GHR: variants seen among roughly 807,000 people sequenced by gnomAD.
GHR encodes the protein growth hormone receptor.
In GHR, 35 loss-of-function variants were observed where a neutral mutation model predicts 67.1. The observed-to-expected ratio is 0.52, with a 90% confidence interval of 0.40 to 0.69. The LOEUF (loss-of-function observed/expected upper bound fraction) is 0.69. GHR is among the 30% of genes least tolerant of loss of function. The pLI is 0.00. For synonymous variants in GHR, 272 were observed against 269.1 expected (o/e 1.01, Z -0.10); for missense variants, 792 against 764.6 (o/e 1.04, Z -0.42).
At chr5:42,514,058 C>T in intron 1 of GHR, 1 of 957,760 alleles carries the variant, frequency 1.0e-6, no homozygotes, top group Non-Finnish European at 1.2e-6. Flanking sequence ...TTGCTTCACC[C>T]AGAATTTATT....
chr5:42,622,485 A>G (rs1293337669), intron 2 of GHR, among the ~76,000 whole-genome samples: 1 of 152,152 alleles, frequency 6.6e-6, no homozygotes, highest in Non-Finnish European at 1.5e-5. Flanking sequence ...TGGAAGGGCA[A>G]GGTAAGCATA....
At chr5:42,526,793 A>G (rs1747724571) in intron 1 of GHR, among the ~76,000 whole-genome samples, 2 of 152,194 alleles carry the variant, frequency 1.3e-5, no homozygotes, top group South Asian at 2.1e-4. Context: ...CAGATTTTCC[A>G]AGGTCAAAAT....
At chr5:42,545,597 T>G (rs1288151388) in intron 1 of GHR, among the ~76,000 whole-genome samples, 1 of 152,230 alleles carries the variant, frequency 6.6e-6, no homozygotes, top group African/African-American at 2.4e-5. Flanking sequence ...TACTTTTGAT[T>G]TAGCTCATCT....
intron 6 of GHR, among the ~76,000 whole-genome samples, chr5:42,710,306 C>T (rs181747910): frequency 1.8e-4 from 28 of 152,002 alleles, no homozygotes; most frequent in African/African-American, 6.0e-4. Flanking sequence ...TTTGTTTATG[C>T]GAAAATCCAT....
chr5:42,715,526 A>G (rs929176746), intron 8 of GHR, among the ~76,000 whole-genome samples: 1 of 152,222 alleles, frequency 6.6e-6, no homozygotes, highest in Non-Finnish European at 1.5e-5. Context: ...AACCACAAAC[A>G]TAGTTTCAAG....
chr5:42,537,389 A>G (rs1748303974), intron 1 of GHR, among the ~76,000 whole-genome samples: 1 of 152,080 alleles, frequency 6.6e-6, no homozygotes, highest in East Asian at 1.9e-4. Flanking sequence ...GAATTTTTTA[A>G]CTTCCATCTT....
intron 2 of GHR, among the ~76,000 whole-genome samples, chr5:42,595,371 C>T (rs918541087): frequency 2.6e-5 from 4 of 152,132 alleles, no homozygotes; most frequent in Admixed American, 6.5e-5. Flanking sequence ...CAGGTATGTT[C>T]TTATATGGTC....
At chr5:42,716,946 A>G (rs1287810017) in intron 8 of GHR, among the ~76,000 whole-genome samples, 1 of 152,220 alleles carries the variant, frequency 6.6e-6, no homozygotes, top group East Asian at 1.9e-4. Context: ...GAGTTTTTTA[A>G]AAAATTAAAT....
chr5:42,448,727 G>GT (rs1209744615), intron 1 of GHR, among the ~76,000 whole-genome samples: 1 of 151,804 alleles, frequency 6.6e-6, no homozygotes, highest in Non-Finnish European at 1.5e-5. Context: ...GTTGAGAAGA[G>GT]TTTTTTTGAT....
At chr5:42,453,108 T>C (rs1403422658) in intron 1 of GHR, among the ~76,000 whole-genome samples, 3 of 152,136 alleles carry the variant, frequency 2.0e-5, no homozygotes, top group Non-Finnish European at 1.5e-5. Context: ...AATGTTTATT[T>C]TAGCCTAATT....
intron 1 of GHR, among the ~76,000 whole-genome samples, chr5:42,474,786 G>C (rs554219188): frequency 6.6e-6 from 1 of 151,092 alleles, no homozygotes; most frequent in Non-Finnish European, 1.5e-5. Flanking sequence ...GTATTTTTAG[G>C]AACATATATT....
chr5:42,571,676 C>T (rs1750325534), intron 2 of GHR, among the ~76,000 whole-genome samples: 1 of 152,136 alleles, frequency 6.6e-6, no homozygotes, highest in African/African-American at 2.4e-5. Context: ...ATACTCAGAA[C>T]CCTGAATGTT....
chr5:42,547,476 G>T (rs1041749588), intron 1 of GHR, among the ~76,000 whole-genome samples: 7 of 149,138 alleles, frequency 4.7e-5, no homozygotes, highest in African/African-American at 7.4e-5. Context: ...TAGAAAGCTG[G>T]TTTTTTTTTT....
At chr5:42,650,578 C>CATATATATATATATATATATATATAT (rs35408817) in intron 3 of GHR, among the ~76,000 whole-genome samples, 108 of 128,634 alleles carry the variant, frequency 8.4e-4, no homozygotes, top group African/African-American at 2.0e-3. Context: ...TTACAGATAA[C>CATATATATATATATATATATATATAT]ATATATATAT....
At chr5:42,488,255 A>G (rs190441531) in intron 1 of GHR, among the ~76,000 whole-genome samples, 1 of 152,300 alleles carries the variant, frequency 6.6e-6, no homozygotes, top group East Asian at 1.9e-4. Flanking sequence ...TTTAGTACAC[A>G]TGACAATTTG....
At chr5:42,630,960 G>C (rs886501445) in intron 3 of GHR, among the ~76,000 whole-genome samples, 21 of 146,776 alleles carry the variant, frequency 1.4e-4, no homozygotes, top group African/African-American at 5.5e-4. Context: ...GGAAATGCCT[G>C]TTCCCATTTA....
intron 3 of GHR, among the ~76,000 whole-genome samples, chr5:42,652,401 T>C (rs1755055754): frequency 6.6e-6 from 1 of 152,200 alleles, no homozygotes; most frequent in East Asian, 1.9e-4. Context: ...ACCCTATGAT[T>C]TCATTGACCT....
At chr5:42,479,506 A>G (rs1236826927) in intron 1 of GHR, among the ~76,000 whole-genome samples, 3 of 152,118 alleles carry the variant, frequency 2.0e-5, no homozygotes, top group African/African-American at 2.4e-5. Flanking sequence ...CTGTGAATCC[A>G]TCTGGTCCTG....
At chr5:42,494,949 T>C (rs879246215) in intron 1 of GHR, among the ~76,000 whole-genome samples, 8 of 151,908 alleles carry the variant, frequency 5.3e-5, no homozygotes, top group Admixed American at 5.3e-4. Context: ...CTTAGAAGGG[T>C]GATGGAAGCT....
Sources: allele counts gnomAD v4.1 joint callset (sites outside exome capture counted in the v4.1 genomes callset), GRCh38; gene constraint gnomAD v4.1.1; transcripts MANE v1.5; gene names NCBI Gene and HGNC (gene_info 2026-07-23, HGNC 2026-07-21).